WWC1: variants seen among roughly 807,000 people sequenced by gnomAD.
WWC1 encodes the protein WW and C2 domain containing 1.
A neutral mutation model predicts 138.4 loss-of-function variants in WWC1; 55 were observed. The observed-to-expected ratio is 0.40, with a 90% CI of 0.32 to 0.50. The LOEUF (loss-of-function observed/expected upper bound fraction) is 0.50, where lower values mean the gene tolerates loss of function less well. Ranked by LOEUF, WWC1 falls within the 20% of genes least tolerant of loss-of-function variation. WWC1 has a pLI of 0.72. For missense variants in WWC1, 1,226 were observed against 1,420.4 expected (o/e 0.86, Z 2.20); for synonymous variants, 524 against 564.9 (o/e 0.93, Z 1.03).
At chr5:168,373,719 TAAAAAA>T (rs368930085) in intron 2 of WWC1, among the ~76,000 whole-genome samples, 17 of 52,650 alleles carry the variant, frequency 3.2e-4, no homozygotes, top group Admixed American at 6.0e-4. Flanking sequence ...CCTTGTCTCT[TAAAAAA>T]AAAAAAAAAA....
At position 168,471,207 on chromosome 5, in the gene WWC1, G is replaced by A. The variant is rs926932198; in HGVS notation, c.*2190G>A. ...TCTCCTCATGTATAAGGAACCTATA[G>A]TGGTGTAGAATCTACTCTTCTTCCC... is the stretch of plus-strand genomic sequence containing the variant. On this transcript the variant is annotated 3_prime_UTR_variant, in exon 23 of 23. Coordinates refer to ENST00000265293, the MANE Select transcript of WWC1 (RefSeq NM_015238.3). 1.3e-5 allele frequency: 2 copies of A among 152,384 alleles called. No homozygotes were observed. Among genetic ancestry groups the A allele is most frequent in the African/African-American group, 4.8e-5 (2 of 41,386 alleles). 9.4% of individuals were successfully genotyped at this position (152,384 alleles called of 1,614,324 possible).
At chr5:168,302,389 C>T (rs4976543) in intron 1 of WWC1, among the ~76,000 whole-genome samples, 5 of 152,212 alleles carry the variant, frequency 3.3e-5, no homozygotes, top group South Asian at 2.1e-4. Context: ...GGGGTGTGCA[C>T]GCGGGGGATG....
intron 16 of WWC1, 44 bp downstream of exon 16, chr5:168,441,878 C>T (rs370412974): frequency 4.0e-5 from 63 of 1,589,536 alleles, no homozygotes; most frequent in African/African-American, 1.3e-4. Flanking sequence ...AGGCCGCACC[C>T]GGATGTTGGA....
chr5:168,370,608 C>T (rs530239727), intron 1 of WWC1, among the ~76,000 whole-genome samples: 4 of 152,354 alleles, frequency 2.6e-5, no homozygotes, highest in African/African-American at 7.2e-5. Context: ...GCCACCCAGG[C>T]TGAATCTCAT....
chr5:168,405,181 T>A (rs1473525470), intron 5 of WWC1, among the ~76,000 whole-genome samples: 3 of 151,210 alleles, frequency 2.0e-5, no homozygotes, highest in Non-Finnish European at 4.4e-5. Context: ...GGGCTGGGAG[T>A]TTTTCATCCT....
chr5:168,355,383 A>G (rs900769874), intron 1 of WWC1, among the ~76,000 whole-genome samples: 1 of 150,960 alleles, frequency 6.6e-6, no homozygotes, highest in Non-Finnish European at 1.5e-5. Flanking sequence ...AATCCCAGCT[A>G]CTCAGAAGGC....
intron 3 of WWC1, among the ~76,000 whole-genome samples, chr5:168,385,963 T>G (rs992549244): frequency 5.9e-5 from 9 of 152,108 alleles, no homozygotes; most frequent in Admixed American, 5.9e-4. Flanking sequence ...TTGCCTCATC[T>G]CATGCCCTCC....
intron 1 of WWC1, among the ~76,000 whole-genome samples, chr5:168,335,521 T>C (rs1426971441): frequency 6.6e-6 from 1 of 152,226 alleles, no homozygotes; most frequent in Non-Finnish European, 1.5e-5. Context: ...TGTATCTCAT[T>C]TGAGCTGGAC....
At chr5:168,412,452 G>A (rs1365854411) in intron 8 of WWC1, among the ~76,000 whole-genome samples, 1 of 152,166 alleles carries the variant, frequency 6.6e-6, no homozygotes, top group Non-Finnish European at 1.5e-5. Context: ...TGAAATTTAA[G>A]GAGCATTGAC....
In WWC1 at chr5:168,367,342, T is replaced by C. The variant is rs191071340; in HGVS notation, c.120-4082T>C. Among the ~76,000 whole-genome samples the C allele has an allele frequency of 1.4e-3, 219 of 152,248 alleles. 1 individual carries two copies. The highest frequency in any genetic ancestry group is 4.9e-3 in the African/African-American group (205 of 41,546). On this transcript the variant is annotated intron_variant, in intron 1 of 22. Transcript: ENST00000265293. ...TTGTTATTTTTTATTTATTTACTTA[T>C]TTATTTTGAGACGGAGTCTTGCTCT...
At chr5:168,359,822 G>T (rs764987752) in intron 1 of WWC1, among the ~76,000 whole-genome samples, 1 of 152,144 alleles carries the variant, frequency 6.6e-6, no homozygotes, top group Non-Finnish European at 1.5e-5. Context: ...CTTTTTAGCT[G>T]AGTTATTAAT....
At chr5:168,294,859 C>T (rs552872128) in intron 1 of WWC1, among the ~76,000 whole-genome samples, 1 of 152,184 alleles carries the variant, frequency 6.6e-6, no homozygotes, top group Non-Finnish European at 1.5e-5. Context: ...CTCCTGAGCT[C>T]AGGCAATCCG....
intron 2 of WWC1, among the ~76,000 whole-genome samples, chr5:168,381,370 C>T (rs903570286): frequency 3.3e-5 from 5 of 152,190 alleles, no homozygotes; most frequent in Non-Finnish European, 7.3e-5. Context: ...GAACTGGACA[C>T]GGGCCCAGCA....
chr5:168,336,421 A>G lies in WWC1; in HGVS notation c.120-35003A>G, dbSNP rs932291141. ...CCCCGTCTCTACTAAAAATACAAAA[A>G]ATTAGCTGGGCATGGTGGCAGGCAT... On this transcript the variant is annotated intron_variant, in intron 1 of 22. Coordinates refer to ENST00000265293, the MANE Select transcript of WWC1 (RefSeq NM_015238.3). Among the ~76,000 whole-genome samples the G allele has an allele frequency of 2.6e-5, 4 of 152,026 alleles. 1 individual carries two copies. The highest frequency in any genetic ancestry group is 9.6e-5 in the African/African-American group (4 of 41,456).
At chr5:168,407,358 C>T (rs779362932) in intron 6 of WWC1, among the ~76,000 whole-genome samples, 11 of 152,320 alleles carry the variant, frequency 7.2e-5, no homozygotes, top group Admixed American at 3.9e-4. Context: ...GAAGCTAGAG[C>T]GGTGATTCAA....
At chr5:168,460,355 GA>G (rs1424670236) in intron 19 of WWC1, among the ~76,000 whole-genome samples, 1 of 152,232 alleles carries the variant, frequency 6.6e-6, no homozygotes, top group African/African-American at 2.4e-5. Context: ...CCTCACTTGT[GA>G]AAATGGATTT....
intron 19 of WWC1, among the ~76,000 whole-genome samples, chr5:168,456,404 G>A (rs1756328819): frequency 6.6e-6 from 1 of 151,632 alleles, no homozygotes. Context: ...AGGCTGAGGT[G>A]GGCAAATCAC....
chr5:168,334,585 G>C (rs1773304957), intron 1 of WWC1, among the ~76,000 whole-genome samples: 1 of 151,726 alleles, frequency 6.6e-6, no homozygotes, highest in African/African-American at 2.4e-5. Context: ...GCTCCTGTGT[G>C]CTGCTGCTTT....
intron 1 of WWC1, among the ~76,000 whole-genome samples, chr5:168,299,937 C>G (rs12517127): frequency 0.13 from 19,181 of 152,128 alleles, 1,669 homozygotes; most frequent in Non-Finnish European, 0.17. Flanking sequence ...TCTGCAGCCT[C>G]CAGTTCAGCA....
Sources: allele counts gnomAD v4.1 joint callset (sites outside exome capture counted in the v4.1 genomes callset), GRCh38; gene constraint gnomAD v4.1.1; transcripts MANE v1.5; gene names NCBI Gene and HGNC (gene_info 2026-07-23, HGNC 2026-07-21).